Variants in ACOT12 observed in about 807,000 individuals in gnomAD.
ACOT12 encodes acetyl-coenzyme A thioesterase.
ACOT12 carries 51 observed loss-of-function variants against 67.7 expected under a neutral mutation model. The observed-to-expected ratio is 0.75, with a 90% CI of 0.60 to 0.95. The LOEUF (loss-of-function observed/expected upper bound fraction) is 0.95. Ranked by LOEUF, ACOT12 falls within the 40% of genes least tolerant of loss-of-function variation. The pLI is 0.00. For missense variants in ACOT12, 734 were observed against 708.1 expected (o/e 1.04, Z -0.41); for synonymous variants, 251 against 244.6 (o/e 1.03, Z -0.24).
At chr5:81,350,456 C>T (rs1363845434) in intron 5 of ACOT12, among the ~76,000 whole-genome samples, 1 of 152,130 alleles carries the variant, frequency 6.6e-6, no homozygotes, top group African/African-American at 2.4e-5. Flanking sequence ...TTGTGGGCCT[C>T]GTTCAGACTT....
At chr5:81,392,154 T>C (rs1231100751) in intron 1 of ACOT12, among the ~76,000 whole-genome samples, 1 of 152,160 alleles carries the variant, frequency 6.6e-6, no homozygotes, top group Non-Finnish European at 1.5e-5. Flanking sequence ...CAGCAGTGCC[T>C]AGGGGTCATA....
chr5:81,364,123 T>C (rs1363869908), intron 3 of ACOT12, among the ~76,000 whole-genome samples: 1 of 151,742 alleles, frequency 6.6e-6, no homozygotes, highest in Non-Finnish European at 1.5e-5. Flanking sequence ...GGAATCTGAC[T>C]ATCCAGAGTA....
chr5:81,369,597 G>A (rs114298506), intron 3 of ACOT12, among the ~76,000 whole-genome samples: 1,783 of 152,248 alleles, frequency 0.012, 39 homozygotes, highest in African/African-American at 0.041. Flanking sequence ...AATTCTGCAC[G>A]GCGGATCAGG....
intron 2 of ACOT12, among the ~76,000 whole-genome samples, chr5:81,372,679 C>T (rs1760290052): frequency 6.6e-6 from 1 of 152,326 alleles, no homozygotes; most frequent in East Asian, 1.9e-4. Flanking sequence ...AAATTTTTCT[C>T]TCAAACCTAT....
At chr5:81,361,372 T>C (rs1034426519) in intron 4 of ACOT12, among the ~76,000 whole-genome samples, 10 of 151,968 alleles carry the variant, frequency 6.6e-5, no homozygotes, top group Non-Finnish European at 1.0e-4. Context: ...TTTTTTTATA[T>C]TTATTTTTTG....
intron 12 of ACOT12, among the ~76,000 whole-genome samples, chr5:81,333,321 T>A (rs1004790379): frequency 6.6e-6 from 1 of 152,194 alleles, no homozygotes; most frequent in Non-Finnish European, 1.5e-5. Context: ...TGTGGTATAT[T>A]GGAAACCGCA....
chr5:81,330,855 C>T lies in ACOT12; in HGVS notation c.1477G>A (p.Ala493Thr). The T allele has an allele frequency of 6.2e-7, 1 of 1,614,026 alleles. No homozygotes were observed. The highest frequency in any genetic ancestry group is 8.5e-7 in the Non-Finnish European group (1 of 1,179,940). Residue 493 changes from alanine to threonine, a missense_variant, in exon 14 of 15, where the codon GCC becomes ACC. Coordinates refer to ENST00000307624, the MANE Select transcript of ACOT12 (RefSeq NM_130767.3). ...TCAATAGCATGGATGAGAAATCCGG[C>T]ACATATGATTTCACTTCTGATGTAC... is the stretch of plus-strand genomic sequence containing the variant. ...PQYIRSEIIC[A>T]GFLIHAIDSN... is the part of the protein sequence containing the mutation.
chr5:81,331,023 C>T (rs777354382), intron 13 of ACOT12, 83 bp from the exon 14 acceptor site: 228 of 1,422,660 alleles, frequency 1.6e-4, no homozygotes, highest in Non-Finnish European at 1.8e-4. Flanking sequence ...ACCCAATTTA[C>T]TTATACAGGT....
the ACOT12 span, among the ~76,000 whole-genome samples, chr5:81,314,902 C>T: frequency 6.6e-6 from 1 of 152,248 alleles, no homozygotes; most frequent in Non-Finnish European, 1.5e-5. Flanking sequence ...GCCTCAAACA[C>T]CTGGGCTCCA....
At chr5:81,380,911 T>C (rs1360142849) in intron 2 of ACOT12, among the ~76,000 whole-genome samples, 2 of 152,128 alleles carry the variant, frequency 1.3e-5, no homozygotes, top group African/African-American at 4.8e-5. Context: ...CCTACACACC[T>C]AGGCTATACG....
At chr5:81,327,221 C>T (rs6877340), downstream of ACOT12, among the ~76,000 whole-genome samples, 68,602 of 149,674 alleles carry the variant, frequency 0.46, 16,310 homozygotes, top group Admixed American at 0.59. Context: ...CACACACACA[C>T]ATATATATAC....
the ACOT12 span, chr5:81,311,215 C>T: frequency 9.9e-6 from 16 of 1,613,864 alleles, no homozygotes; most frequent in South Asian, 2.2e-5. Context: ...CAATAGGTGG[C>T]GGTTGCAAAC....
chr5:81,310,566 T>C, the ACOT12 span, among the ~76,000 whole-genome samples: 1 of 152,236 alleles, frequency 6.6e-6, no homozygotes, highest in Non-Finnish European at 1.5e-5. Context: ...AAGATAATGC[T>C]TGACCATTAA....
intron 3 of ACOT12, among the ~76,000 whole-genome samples, chr5:81,366,882 C>A (rs57278631): frequency 0.011 from 1,743 of 152,154 alleles, 44 homozygotes; most frequent in African/African-American, 0.04. Context: ...AGAAGAAAAA[C>A]GAACAGTATC....
the ACOT12 span, among the ~76,000 whole-genome samples, chr5:81,323,810 T>A: frequency 2.1e-4 from 32 of 150,158 alleles, no homozygotes; most frequent in African/African-American, 7.3e-4. Context: ...GTTTTATATA[T>A]ATATGTATAT....
intron 13 of ACOT12, 66 bp downstream of exon 13, chr5:81,332,411 A>T (rs1329205852): frequency 3.9e-5 from 60 of 1,545,734 alleles, no homozygotes; most frequent in Non-Finnish European, 5.3e-5. Context: ...TTATTTTCAC[A>T]TCAACTTTTA....
At chr5:81,386,809 C>G (rs1375440671) in intron 1 of ACOT12, among the ~76,000 whole-genome samples, 1 of 151,952 alleles carries the variant, frequency 6.6e-6, no homozygotes, top group African/African-American at 2.4e-5. Context: ...TACCCCACTG[C>G]GCACGTATTT....
chr5:81,316,400 T>G, the ACOT12 span, among the ~76,000 whole-genome samples: 1 of 152,230 alleles, frequency 6.6e-6, no homozygotes, highest in Non-Finnish European at 1.5e-5. Flanking sequence ...AATGGAATCA[T>G]GCAATATGTG....
At chr5:81,313,510 A>G in the ACOT12 span, among the ~76,000 whole-genome samples, 3 of 152,250 alleles carry the variant, frequency 2.0e-5, no homozygotes, top group Non-Finnish European at 4.4e-5. Context: ...AAGTATCACC[A>G]TAATAGAGTT....
Sources: allele counts gnomAD v4.1 joint callset (sites outside exome capture counted in the v4.1 genomes callset), GRCh38; gene constraint gnomAD v4.1.1; transcripts MANE v1.5; gene names NCBI Gene and HGNC (gene_info 2026-07-23, HGNC 2026-07-21).